The following PIK3C2G variants were observed in gnomAD, a reference collection of about 807,000 sequenced individuals.
The protein encoded by PIK3C2G is phosphatidylinositol-4-phosphate 3-kinase catalytic subunit type 2 gamma.
Under a neutral mutation model 181.1 loss-of-function variants are expected in PIK3C2G, and 168 were observed. The observed-to-expected ratio is 0.93, with a 90% CI of 0.82 to 1.05. PIK3C2G has a LOEUF of 1.05. Among genes scored for constraint, PIK3C2G ranks in the 50% least tolerant of loss-of-function variants. The probability of loss-of-function intolerance (pLI) is 0.00; values close to 1 mark genes in which losing one functional copy is unlikely to be tolerated. For synonymous variants in PIK3C2G, 573 were observed against 592.2 expected, an observed-to-expected ratio of 0.97 and a Z score of 0.47; for missense variants, 1,869 against 1,732.8, an observed-to-expected ratio of 1.08 and a Z score of -1.40.
At chr12:18,629,188 G>A (rs897525463) in intron 31 of PIK3C2G, among the ~76,000 whole-genome samples, 2 of 152,170 alleles carry the variant, frequency 1.3e-5, no homozygotes, top group African/African-American at 4.8e-5. Context: ...TATCACCAGA[G>A]CAAAGGAATG....
At chr12:18,659,835 T>C in the PIK3C2G span, among the ~76,000 whole-genome samples, 1 of 152,066 alleles carries the variant, frequency 6.6e-6, no homozygotes, top group Non-Finnish European at 1.5e-5. Flanking sequence ...AAATTAAGAC[T>C]CTCCCAGATA....
At chr12:18,539,423 C>T (rs1007887218) in intron 25 of PIK3C2G, among the ~76,000 whole-genome samples, 1 of 151,778 alleles carries the variant, frequency 6.6e-6, no homozygotes, top group African/African-American at 2.4e-5. Flanking sequence ...ATTTAGTAGA[C>T]TTCAATTCAT....
intron 18 of PIK3C2G, among the ~76,000 whole-genome samples, chr12:18,473,697 C>T (rs555055706): frequency 2.6e-5 from 4 of 152,220 alleles, no homozygotes; most frequent in South Asian, 2.1e-4. Flanking sequence ...GTTCTTACAG[C>T]GGTGACTTGA....
intron 22 of PIK3C2G, among the ~76,000 whole-genome samples, chr12:18,500,613 C>G (rs903517253): frequency 3.3e-5 from 5 of 152,312 alleles, no homozygotes; most frequent in African/African-American, 1.2e-4. Context: ...GCTCCTGAGT[C>G]TGGTAGGGAC....
At chr12:18,711,647 G>T in the PIK3C2G span, among the ~76,000 whole-genome samples, 1 of 151,854 alleles carries the variant, frequency 6.6e-6, no homozygotes, top group Non-Finnish European at 1.5e-5. Flanking sequence ...AAAGGTCTTG[G>T]CTAGAGCACA....
At chr12:18,324,995 C>A in intron 7 of PIK3C2G, 40 bp from the exon 8 acceptor site, 1 of 1,044,342 alleles carries the variant, frequency 9.6e-7, no homozygotes. Flanking sequence ...TAAGTTTTCC[C>A]ACCCAATTTT....
chr12:18,645,840 T>C (rs973513166), intron 32 of PIK3C2G, among the ~76,000 whole-genome samples: 2 of 152,326 alleles, frequency 1.3e-5, no homozygotes, highest in East Asian at 3.9e-4. Context: ...TTATGACTTA[T>C]TCATGCAATT....
intron 13 of PIK3C2G, among the ~76,000 whole-genome samples, chr12:18,375,896 C>T (rs1272290059): frequency 6.6e-6 from 1 of 152,182 alleles, no homozygotes; most frequent in Non-Finnish European, 1.5e-5. Flanking sequence ...GTGCAAGCTA[C>T]AATCCTTGGC....
At chr12:18,680,779 C>T in the PIK3C2G span, among the ~76,000 whole-genome samples, 1 of 151,988 alleles carries the variant, frequency 6.6e-6, no homozygotes, top group Non-Finnish European at 1.5e-5. Context: ...TTAGAAAGGA[C>T]TCACTATTGG....
chr12:18,455,270 A>G (rs1015699196), intron 18 of PIK3C2G, among the ~76,000 whole-genome samples: 1 of 152,046 alleles, frequency 6.6e-6, no homozygotes, highest in Admixed American at 6.6e-5. Flanking sequence ...ACACAAAGAC[A>G]TGAACACCAG....
chr12:18,591,203 G>C (rs1947059402), intron 29 of PIK3C2G, among the ~76,000 whole-genome samples: 1 of 151,852 alleles, frequency 6.6e-6, no homozygotes, highest in African/African-American at 2.4e-5. Flanking sequence ...TCAATTCACA[G>C]ATGAAAATTG....
chr12:18,640,874 T>G (rs1404185634), intron 32 of PIK3C2G, among the ~76,000 whole-genome samples: 2 of 152,188 alleles, frequency 1.3e-5, no homozygotes, highest in Non-Finnish European at 2.9e-5. Flanking sequence ...TTACCTGATT[T>G]TCCTTACCTA....
intron 9 of PIK3C2G, among the ~76,000 whole-genome samples, chr12:18,341,190 C>A (rs998157272): frequency 1.3e-5 from 2 of 152,130 alleles, no homozygotes; most frequent in African/African-American, 4.8e-5. Context: ...TCAAAACACT[C>A]ATTTTCTGAA....
upstream of PIK3C2G, among the ~76,000 whole-genome samples, chr12:18,243,139 G>T (rs1023923747): frequency 2.0e-5 from 3 of 151,894 alleles, no homozygotes; most frequent in Non-Finnish European, 4.4e-5. Flanking sequence ...AATCAGAAAT[G>T]CCTGAATAAT....
chr12:18,496,191 A>G, intron 21 of PIK3C2G, 37 bp downstream of exon 21: 1 of 1,150,846 alleles, frequency 8.7e-7, no homozygotes, highest in Non-Finnish European at 1.2e-6. Context: ...TTGATTCCAT[A>G]CACAGAACTA....
At chr12:18,639,596 T>A (rs1949758452) in intron 31 of PIK3C2G, among the ~76,000 whole-genome samples, 4 of 152,184 alleles carry the variant, frequency 2.6e-5, no homozygotes. Context: ...TTCTTTCAAG[T>A]ATGATGGTTT....
At chr12:18,390,866 C>T (rs908656111) in intron 14 of PIK3C2G, among the ~76,000 whole-genome samples, 1 of 152,088 alleles carries the variant, frequency 6.6e-6, no homozygotes, top group Non-Finnish European at 1.5e-5. Context: ...TTATTTCTCT[C>T]ATTTTCCCTC....
At chr12:18,336,925 C>T (rs1434408787) in intron 8 of PIK3C2G, among the ~76,000 whole-genome samples, 1 of 152,080 alleles carries the variant, frequency 6.6e-6, no homozygotes, top group Admixed American at 6.6e-5. Context: ...TTATATAAAA[C>T]TTGCATTGTG....
At chr12:18,339,386 T>C (rs534319988) in intron 9 of PIK3C2G, among the ~76,000 whole-genome samples, 1 of 152,290 alleles carries the variant, frequency 6.6e-6, no homozygotes, top group East Asian at 1.9e-4. Flanking sequence ...AAAGTTGGTA[T>C]TTTAATGTTC....
Sources: allele counts gnomAD v4.1 joint callset (sites outside exome capture counted in the v4.1 genomes callset), GRCh38; gene constraint gnomAD v4.1.1; transcripts MANE v1.5; gene names NCBI Gene and HGNC (gene_info 2026-07-23, HGNC 2026-07-21).